ELAVL4: variants seen among roughly 807,000 people sequenced by gnomAD.
ELAVL4 encodes the protein ELAV like RNA binding protein 4.
Under a neutral mutation model 35.6 loss-of-function variants are expected in ELAVL4, and 1 was observed. That is an observed-to-expected ratio of 0.03 (90% CI 0.01 to 0.13). The LOEUF is 0.13. ELAVL4 is among the 10% of genes least tolerant of loss of function. ELAVL4 has a pLI of 1.00. For synonymous variants in ELAVL4, 156 were observed against 171.0 expected (o/e 0.91, Z 0.69); for missense variants, 267 against 464.9 (o/e 0.57, Z 3.91).
intron 1 of ELAVL4, among the ~76,000 whole-genome samples, chr1:50,076,625 C>T (rs1184186156): frequency 6.6e-6 from 1 of 151,916 alleles, no homozygotes; most frequent in African/African-American, 2.4e-5. Flanking sequence ...GTCCTGGAGG[C>T]AAAAATGTGT....
At chr1:50,111,747 C>T (rs537205989) in intron 1 of ELAVL4, among the ~76,000 whole-genome samples, 10 of 152,184 alleles carry the variant, frequency 6.6e-5, no homozygotes, top group East Asian at 1.9e-4. Context: ...TGTCTTTGGA[C>T]GTCTGGGACC....
chr1:50,068,157 G>GGGAT (rs1450044771), intron 1 of ELAVL4, among the ~76,000 whole-genome samples: 1 of 152,152 alleles, frequency 6.6e-6, no homozygotes, highest in Non-Finnish European at 1.5e-5. Flanking sequence ...CAGGTTAAGG[G>GGGAT]GGATAGGTTA....
intron 1 of ELAVL4, among the ~76,000 whole-genome samples, chr1:50,142,169 A>C (rs1242179473): frequency 1.3e-5 from 2 of 152,172 alleles, no homozygotes; most frequent in African/African-American, 4.8e-5. Flanking sequence ...GCCTCAGATC[A>C]CACAGCTAAT....
intron 1 of ELAVL4, among the ~76,000 whole-genome samples, chr1:50,071,543 T>A (rs1339510178): frequency 6.6e-6 from 1 of 152,218 alleles, no homozygotes; most frequent in Non-Finnish European, 1.5e-5. Context: ...CATAGCCACA[T>A]ACACAAAAGA....
chr1:50,200,839 T>G lies in ELAVL4; in HGVS notation c.774-12T>G, dbSNP rs1291287690. ...TGTCTGGACCAGTCCCCCCTTCTGC[T>G]TGTCCCCCCAGGTTCTCCCCAATTA... is the stretch of plus-strand genomic sequence containing the variant. On this transcript the variant is annotated splice_polypyrimidine_tract_variant and intron_variant, in intron 6 of 6. Coordinates refer to ENST00000371824, the MANE Select transcript of ELAVL4 (RefSeq NM_001144774.3). 5.6e-6 allele frequency: 9 copies of G among 1,610,826 alleles called. No homozygotes were observed. The highest frequency in any genetic ancestry group is 7.6e-6 in the Non-Finnish European group (9 of 1,178,362).
chr1:50,131,884 T>G (rs1048096793), intron 1 of ELAVL4, among the ~76,000 whole-genome samples: 9 of 149,020 alleles, frequency 6.0e-5, no homozygotes, highest in African/African-American at 2.2e-4. Flanking sequence ...AAAATTTATG[T>G]TTAAAAAAAA....
chr1:50,072,903 T>C (rs956813288), intron 1 of ELAVL4, among the ~76,000 whole-genome samples: 1 of 152,206 alleles, frequency 6.6e-6, no homozygotes, highest in Non-Finnish European at 1.5e-5. Flanking sequence ...CAAAGTCATC[T>C]AACACCAGAG....
chr1:50,127,736 G>A (rs780567818), intron 1 of ELAVL4, among the ~76,000 whole-genome samples: 11 of 152,034 alleles, frequency 7.2e-5, no homozygotes, highest in African/African-American at 1.4e-4. Flanking sequence ...TTGGAAAACC[G>A]AGACACAGAA....
At chr1:50,133,656 A>AGAAAGAAAGAAAGAGAAG (rs1671397207) in intron 1 of ELAVL4, among the ~76,000 whole-genome samples, 1 of 147,850 alleles carries the variant, frequency 6.8e-6, no homozygotes, top group Non-Finnish European at 1.5e-5. Flanking sequence ...AGAAAGAGAA[A>AGAAAGAAAGAAAGAGAAG]GAAAGAAAGA....
intron 6 of ELAVL4, 124 bp from the exon 7 acceptor site, chr1:50,200,727 C>T: frequency 6.6e-7 from 1 of 1,509,974 alleles, no homozygotes; most frequent in Non-Finnish European, 8.8e-7. Context: ...GGTTTTTGAA[C>T]CCTGAAGACT....
At chr1:50,183,422 T>C (rs1482665400) in intron 3 of ELAVL4, among the ~76,000 whole-genome samples, 1 of 152,022 alleles carries the variant, frequency 6.6e-6, no homozygotes, top group Non-Finnish European at 1.5e-5. Context: ...CACTTAGCCA[T>C]GAGGCAGTGG....
chr1:50,080,459 G>A (rs987567539), intron 1 of ELAVL4, among the ~76,000 whole-genome samples: 3 of 151,946 alleles, frequency 2.0e-5, no homozygotes, highest in Non-Finnish European at 4.4e-5. Context: ...TACTGATGTG[G>A]TCAGGCAATC....
intron 2 of ELAVL4, among the ~76,000 whole-genome samples, chr1:50,151,823 C>T (rs765335912): frequency 1.3e-5 from 2 of 152,048 alleles, no homozygotes; most frequent in Non-Finnish European, 2.9e-5. Context: ...TTTGTTGACT[C>T]GGGAAGAGGG....
At chr1:50,082,649 A>C (rs1665060523) in intron 1 of ELAVL4, among the ~76,000 whole-genome samples, 1 of 152,158 alleles carries the variant, frequency 6.6e-6, no homozygotes, top group African/African-American at 2.4e-5. Flanking sequence ...TTTTTATAGA[A>C]GTCATGATTT....
At chr1:50,103,790 C>A, upstream of ELAVL4, 1 of 895,162 alleles carries the variant, frequency 1.1e-6, no homozygotes. Context: ...GTTCACTCTA[C>A]CTTCCCACCC....
intron 2 of ELAVL4, among the ~76,000 whole-genome samples, chr1:50,159,460 T>C (rs982690685): frequency 6.6e-6 from 1 of 152,020 alleles, no homozygotes; most frequent in Non-Finnish European, 1.5e-5. Flanking sequence ...ATACAAAAAA[T>C]TAGCTGGGCT....
intron 1 of ELAVL4, among the ~76,000 whole-genome samples, chr1:50,096,724 T>G (rs1364232156): frequency 6.6e-6 from 1 of 152,186 alleles, no homozygotes; most frequent in East Asian, 1.9e-4. Context: ...AGTAGCAGCA[T>G]GTTACACCCC....
At chr1:50,103,864 G>T (rs1330505002), upstream of ELAVL4, 11 of 1,569,260 alleles carry the variant, frequency 7.0e-6, no homozygotes, top group African/African-American at 5.4e-5. Context: ...AGGAGGAAAA[G>T]GTCTGCAGCT....
chr1:50,087,385 T>C (rs944662748), intron 1 of ELAVL4, among the ~76,000 whole-genome samples: 1 of 152,218 alleles, frequency 6.6e-6, no homozygotes, highest in African/African-American at 2.4e-5. Flanking sequence ...ACTGTCTCTT[T>C]TCTCACAATC....
Sources: gnomAD v4.1 joint callset for allele counts (sites outside exome capture counted in the v4.1 genomes callset) on GRCh38, gnomAD v4.1.1 for gene constraint, MANE v1.5 for transcripts, NCBI Gene and HGNC (gene_info 2026-07-23, HGNC 2026-07-21) for gene names.